Variants in PRICKLE2 observed in about 807,000 individuals in gnomAD.
PRICKLE2 encodes prickle planar cell polarity protein 2, also known as prickle-like protein 2.
Under a neutral mutation model 81.4 loss-of-function variants are expected in PRICKLE2, and 21 were observed. That is an observed-to-expected ratio of 0.26 (90% confidence interval 0.18 to 0.37). The LOEUF (loss-of-function observed/expected upper bound fraction) is 0.37. Ranked by LOEUF, PRICKLE2 falls within the 10% of genes least tolerant of loss-of-function variation. The pLI is 1.00. For synonymous variants in PRICKLE2, 456 were observed against 421.5 expected (o/e 1.08, Z -1.00); for missense variants, 940 against 1,109.0 (o/e 0.85, Z 2.16).
At chr3:64,213,217 T>C (rs2078819501) in intron 1 of PRICKLE2, among the ~76,000 whole-genome samples, 1 of 151,896 alleles carries the variant, frequency 6.6e-6, no homozygotes, top group Admixed American at 6.6e-5. Flanking sequence ...CTAGCTGAGA[T>C]TACAGGCATG....
chr3:64,168,394 A>AG (rs2077871071), intron 2 of PRICKLE2, among the ~76,000 whole-genome samples: 1 of 152,114 alleles, frequency 6.6e-6, no homozygotes, highest in South Asian at 2.1e-4. Flanking sequence ...CAAAAAAAAA[A>AG]TCTCATAATG....
intron 7 of PRICKLE2, among the ~76,000 whole-genome samples, chr3:64,136,866 A>G (rs528999412): frequency 6.6e-6 from 1 of 152,338 alleles, no homozygotes; most frequent in Admixed American, 6.5e-5. Flanking sequence ...TCATTTAAAA[A>G]AACTGCCTAT....
intron 1 of PRICKLE2, among the ~76,000 whole-genome samples, chr3:64,206,310 A>G (rs932974540): frequency 3.9e-5 from 6 of 152,188 alleles, no homozygotes; most frequent in African/African-American, 1.4e-4. Context: ...CTAGTCAGAA[A>G]GGAGTGCCGT....
chr3:64,260,923 T>C (rs2079606896), intron 2 of PRICKLE2, among the ~76,000 whole-genome samples: 1 of 152,210 alleles, frequency 6.6e-6, no homozygotes, highest in Non-Finnish European at 1.5e-5. Flanking sequence ...TTAAAAACTT[T>C]TGGATCCCAA....
At chr3:64,176,366 C>T (rs1440485617) in intron 2 of PRICKLE2, among the ~76,000 whole-genome samples, 1 of 152,214 alleles carries the variant, frequency 6.6e-6, no homozygotes, top group Non-Finnish European at 1.5e-5. Context: ...GGTATCTTTT[C>T]TGTGCATTTT....
At chr3:64,109,222 T>C (rs1430628181) in intron 7 of PRICKLE2, among the ~76,000 whole-genome samples, 1 of 152,106 alleles carries the variant, frequency 6.6e-6, no homozygotes, top group East Asian at 1.9e-4. Context: ...GTGTGGTATG[T>C]CCCCAAAACT....
rs1382501041 is a variant in PRICKLE2, at chr3:64,095,639, G to A, written c.*3412C>T. ...AAGAAGCAGAAAGCTGCTGCAGAAG[G>A]AAGAAAACATAATCTTGTTATAGTG... On this transcript the variant is annotated 3_prime_UTR_variant, in exon 8 of 8. Transcript: ENST00000638394. 6.6e-6 allele frequency: 1 copy of A among 152,210 alleles called. No individual in the cohort carries two copies. The highest frequency in any genetic ancestry group is 1.5e-5 in the Non-Finnish European group (1 of 68,050). The allele number at this position is 152,210 out of a possible 1,614,324, so 9.4% of individuals were successfully genotyped here.
At chr3:64,213,403 G>C (rs2078823430) in intron 1 of PRICKLE2, among the ~76,000 whole-genome samples, 2 of 152,170 alleles carry the variant, frequency 1.3e-5, no homozygotes, top group Non-Finnish European at 2.9e-5. Flanking sequence ...ATACCAAGTT[G>C]CAATAAGGCA....
At position 64,155,214 on chromosome 3, in the gene PRICKLE2, T is replaced by G. The variant is rs1311385760; in HGVS notation, c.601-1846A>C. Among the ~76,000 whole-genome samples the G allele has an allele frequency of 4.1e-5, 6 of 144,914 alleles. No homozygotes were observed. In the East Asian group the frequency reaches 1.2e-3, roughly 30 times the overall value. ...GAAAAGGTAGTCAAAAAATTTAAATTAAAAAAATTTTTTCAGACATTTCTC... is the reference window on the plus strand; with the variant it reads ...GAAAAGGTAGTCAAAAAATTTAAATGAAAAAAATTTTTTCAGACATTTCTC... On this transcript the variant is annotated intron_variant, in intron 5 of 7. Coordinates refer to ENST00000638394, the MANE Select transcript of PRICKLE2 (RefSeq NM_198859.4).
intron 7 of PRICKLE2, among the ~76,000 whole-genome samples, chr3:64,106,388 C>T (rs1286441049): frequency 6.6e-6 from 1 of 152,142 alleles, no homozygotes; most frequent in African/African-American, 2.4e-5. Flanking sequence ...TGCATATTGT[C>T]GAGGGTTGCT....
chr3:64,134,287 A>T (rs1258992759), intron 7 of PRICKLE2, among the ~76,000 whole-genome samples: 1 of 152,228 alleles, frequency 6.6e-6, no homozygotes, highest in Non-Finnish European at 1.5e-5. Flanking sequence ...CAGAGCAAGA[A>T]GTAAAAAAAG....
At position 64,213,077 on chromosome 3, in the gene PRICKLE2, CT is replaced by C. The variant is rs374873926; in HGVS notation, c.-41+11832del. Among the ~76,000 whole-genome samples the C allele has an allele frequency of 6.5e-3, 816 of 125,460 alleles. 4 individuals are homozygous for C. Among genetic ancestry groups the C allele is most frequent in the Middle Eastern group, 0.017 (4 of 242 alleles). 82.3% of individuals were successfully genotyped at this position (125,460 alleles called of 152,430 possible). A position where few individuals can be genotyped will look rare whatever the true frequency, so the allele number is the denominator to read the frequency against. On this transcript the variant is annotated intron_variant, in intron 1 of 7. Transcript: ENST00000638394. ...GTCATACTAATGACTGTTTTTTGTT[CT>C]TTTTTTTTTTTTTTTGAGATGGAAT...
At chr3:64,111,874 T>C (rs966708718) in intron 7 of PRICKLE2, among the ~76,000 whole-genome samples, 13 of 152,212 alleles carry the variant, frequency 8.5e-5, no homozygotes, top group African/African-American at 3.1e-4. Context: ...GAGGTGTCAC[T>C]TGTGATTTTT....
chr3:64,181,808 C>T (rs1387354574), intron 2 of PRICKLE2, among the ~76,000 whole-genome samples: 1 of 152,120 alleles, frequency 6.6e-6, no homozygotes, highest in Non-Finnish European at 1.5e-5. Context: ...TTATATCTTA[C>T]TTTGGCTTGA....
At chr3:64,252,981 A>G (rs1306300781) in intron 2 of PRICKLE2, among the ~76,000 whole-genome samples, 2 of 152,200 alleles carry the variant, frequency 1.3e-5, no homozygotes, top group Non-Finnish European at 2.9e-5. Flanking sequence ...TAATTTGCAT[A>G]CCATTGGATT....
In PRICKLE2 at chr3:64,097,412, C is replaced by G. The variant is rs1313141699; in HGVS notation, c.*1639G>C. On this transcript the variant is annotated 3_prime_UTR_variant, in exon 8 of 8. Transcript: ENST00000638394. ...GATGGCCACTGAGATACACCGGGCA[C>G]TACATCGACAGTACATCTCACTACA... is the stretch of plus-strand genomic sequence containing the variant. 1 of 152,592 alleles carries G rather than the reference C, an allele frequency of 6.6e-6. No individual in the cohort carries two copies. Among genetic ancestry groups the G allele is most frequent in the Non-Finnish European group, 1.5e-5 (1 of 68,058 alleles). 9.5% of individuals were successfully genotyped at this position (152,592 alleles called of 1,614,324 possible).
chr3:64,160,743 A>G (rs1340225393), intron 3 of PRICKLE2, among the ~76,000 whole-genome samples: 1 of 152,202 alleles, frequency 6.6e-6, no homozygotes, highest in Non-Finnish European at 1.5e-5. Flanking sequence ...ATAGAAACTC[A>G]GAGAATTAAA....
chr3:64,099,491 G>T lies in PRICKLE2; in HGVS notation c.2095C>A (p.Leu699Ile), dbSNP rs1477436313. The change falls in exon 8 of 8, where the codon CTC (leucine) becomes ATC (isoleucine). Residue 699 changes from leucine to isoleucine, a missense_variant. Physicochemically the swap from Leu to Ile is conservative, Grantham distance 5. This residue lies in a region of PRICKLE2 where 670 missense variants were observed against 717.2 expected (regional missense o/e 0.93). Coordinates refer to ENST00000638394, the MANE Select transcript of PRICKLE2 (RefSeq NM_198859.4). The surrounding 1 kb of genome is among the most constrained non-coding windows in gnomAD (Gnocchi z 4.3). ...RSRRSRSDNA[L>I]HLASEREAIS... ...GCCTCGCGTTCGCTGGCCAGGTGGA[G>T]GGCGTTGTCGGAGCGAGAGCGTCGG... is the stretch of plus-strand genomic sequence containing the variant. 6.3e-7 allele frequency: 1 copy of T among 1,592,018 alleles called. No homozygotes were observed. The highest frequency in any genetic ancestry group is 8.6e-7 in the Non-Finnish European group (1 of 1,164,574).
chr3:64,168,532 A>G (rs1471144222), intron 2 of PRICKLE2, among the ~76,000 whole-genome samples: 1 of 152,234 alleles, frequency 6.6e-6, no homozygotes, highest in Non-Finnish European at 1.5e-5. Context: ...CTATTGACTT[A>G]CTGAGTGACC....
Sources: allele counts gnomAD v4.1 joint callset (sites outside exome capture counted in the v4.1 genomes callset), GRCh38; gene constraint gnomAD v4.1.1; regional missense constraint gnomAD v4.1.1; non-coding constraint Gnocchi (gnomAD v3.1); transcripts MANE v1.5; gene names NCBI Gene and HGNC (gene_info 2026-07-23, HGNC 2026-07-21).